GLI3: variants seen among roughly 807,000 people sequenced by gnomAD.
The protein encoded by GLI3 is GLI family zinc finger 3, also known as transcription activator GLI3.
GLI3 carries 20 observed loss-of-function variants against 100.8 expected under a neutral mutation model. That is an observed-to-expected ratio of 0.20 (90% CI 0.14 to 0.29). The LOEUF (loss-of-function observed/expected upper bound fraction) is 0.29. GLI3 is among the 10% of genes least tolerant of loss of function. The pLI is 1.00. For missense variants in GLI3, 2,040 were observed against 2,128.5 expected, an observed-to-expected ratio of 0.96 and a Z score of 0.82; for synonymous variants, 938 against 860.5, an observed-to-expected ratio of 1.09 and a Z score of -1.58.
At chr7:42,199,407 A>G (rs1414032988) in intron 2 of GLI3, among the ~76,000 whole-genome samples, 1 of 152,192 alleles carries the variant, frequency 6.6e-6, no homozygotes, top group Non-Finnish European at 1.5e-5. Context: ...TTACCTCAAT[A>G]CACACAGGCA....
chr7:42,216,002 T>C (rs1788368796), intron 2 of GLI3, among the ~76,000 whole-genome samples: 1 of 152,224 alleles, frequency 6.6e-6, no homozygotes, highest in Admixed American at 6.5e-5. Context: ...TGGCAAATTA[T>C]ACCCATAAGA....
intron 2 of GLI3, among the ~76,000 whole-genome samples, chr7:42,214,849 A>G (rs1488716169): frequency 4.2e-5 from 6 of 144,542 alleles, no homozygotes; most frequent in African/African-American, 1.5e-4. Flanking sequence ...TAAAATGTAC[A>G]TTCACTGGAT....
chr7:42,088,839 G>A (rs1005884095), intron 3 of GLI3, among the ~76,000 whole-genome samples: 12 of 152,170 alleles, frequency 7.9e-5, no homozygotes, highest in Non-Finnish European at 1.6e-4. Context: ...CTAGGCCACT[G>A]GCTGTCTGCT....
At chr7:42,172,640 T>A (rs1199975181) in intron 2 of GLI3, 1 of 702,970 alleles carries the variant, frequency 1.4e-6, no homozygotes, top group Admixed American at 2.0e-5. Flanking sequence ...CGCGGATGCA[T>A]CCAATCCTCC....
At position 41,964,717 on chromosome 7, in the gene GLI3, C is replaced by A; in HGVS notation, c.4356G>T (p.Gln1452His). The change falls in exon 15 of 15, where the codon CAG (glutamine) becomes CAT (histidine). Residue 1452 changes from glutamine (Q) to histidine (H), a missense_variant. Coordinates refer to ENST00000395925, the MANE Select transcript of GLI3 (RefSeq NM_000168.6). The part of the protein sequence containing the change: ...QFYDQTVGFS[Q>H]QDTKAGSFSI... ...AGAATGAACCAGCTTTCGTGTCTTG[C>A]TGACTGAAGCCCACGGTTTGGTCAT... The A allele has an allele frequency of 6.2e-7, 1 of 1,614,204 alleles. No homozygotes were observed. Among genetic ancestry groups the A allele is most frequent in the Non-Finnish European group, 8.5e-7 (1 of 1,180,026 alleles).
chr7:42,118,156 T>A, intron 3 of GLI3: 2 of 392,156 alleles, frequency 5.1e-6, no homozygotes, highest in Non-Finnish European at 4.5e-6. Context: ...CCTTTAAAGC[T>A]TAATCATCTT....
chr7:42,097,488 TG>T lies in GLI3; in HGVS notation c.368-20632del, dbSNP rs566825889. ...GCTGGAGGGAGACGCAGGTGATGCC[TG>T]GGGCCTACCCCGGGAGCCCCCCTTC... On this transcript the variant is annotated intron_variant, in intron 3 of 14. Coordinates refer to ENST00000395925, the MANE Select transcript of GLI3 (RefSeq NM_000168.6). 1.1e-4 allele frequency among the ~76,000 whole-genome samples: 16 copies of T among 152,240 alleles called. No individual in the cohort carries two copies. The South Asian group carries it at 2.7e-3, about 26-fold the overall frequency.
At chr7:42,029,977 T>C (rs1789239037) in intron 7 of GLI3, among the ~76,000 whole-genome samples, 1 of 152,186 alleles carries the variant, frequency 6.6e-6, no homozygotes, top group African/African-American at 2.4e-5. Context: ...CATTCTTCAG[T>C]GTCTATTAGT....
At chr7:42,144,427 C>A (rs1400994691) in intron 3 of GLI3, among the ~76,000 whole-genome samples, 3 of 152,160 alleles carry the variant, frequency 2.0e-5, no homozygotes, top group Non-Finnish European at 4.4e-5. Context: ...TGATATACAG[C>A]CCGTCCACTG....
At chr7:42,137,693 G>A (rs955626482) in intron 3 of GLI3, among the ~76,000 whole-genome samples, 1 of 152,102 alleles carries the variant, frequency 6.6e-6, no homozygotes, top group African/African-American at 2.4e-5. Flanking sequence ...CTGAAAATCT[G>A]AAATGCTCCA....
chr7:42,008,911 T>G (rs545968174), intron 10 of GLI3, among the ~76,000 whole-genome samples: 1 of 152,364 alleles, frequency 6.6e-6, no homozygotes, highest in East Asian at 1.9e-4. Context: ...TTTCAAGATC[T>G]CTGAGGATCC....
intron 10 of GLI3, among the ~76,000 whole-genome samples, chr7:42,007,952 A>G (rs896066426): frequency 2.6e-5 from 4 of 152,218 alleles, no homozygotes; most frequent in Non-Finnish European, 5.9e-5. Context: ...TGGAGAGGAA[A>G]AACTGCTGGA....
At chr7:42,025,489 C>T (rs1273731380) in intron 8 of GLI3, 112 bp from the exon 9 acceptor site, 4 of 764,152 alleles carry the variant, frequency 5.2e-6, no homozygotes, top group Non-Finnish European at 9.3e-6. Context: ...GGCTATAAAG[C>T]AATGACTCTG....
intron 1 of GLI3, among the ~76,000 whole-genome samples, chr7:42,255,172 T>C (rs935460707): frequency 2.6e-4 from 40 of 152,158 alleles, no homozygotes; most frequent in Admixed American, 1.4e-3. Flanking sequence ...CTATTGTTAA[T>C]GCTACACTAC....
At chr7:42,044,176 G>C in intron 6 of GLI3, among the ~76,000 whole-genome samples, 1 of 152,104 alleles carries the variant, frequency 6.6e-6, no homozygotes, top group East Asian at 1.9e-4. Context: ...ACATATGCTC[G>C]CCCTCTGTCA....
chr7:42,198,409 C>T (rs1225720234), intron 2 of GLI3, among the ~76,000 whole-genome samples: 5 of 152,284 alleles, frequency 3.3e-5, no homozygotes, highest in Admixed American at 2.0e-4. Flanking sequence ...CGAGAAAACA[C>T]TCACCATGAG....
chr7:42,068,521 A>C (rs1161878124), intron 4 of GLI3, among the ~76,000 whole-genome samples: 1 of 152,168 alleles, frequency 6.6e-6, no homozygotes, highest in African/African-American at 2.4e-5. Flanking sequence ...GAAGATCCAA[A>C]ATCTGGCTAA....
In GLI3 at chr7:42,052,292, G is replaced by T. The variant is rs953077928; in HGVS notation, c.474-3596C>A. On this transcript the variant is annotated intron_variant, in intron 4 of 14. Coordinates refer to ENST00000395925, the MANE Select transcript of GLI3 (RefSeq NM_000168.6). ...AAACATCTGTGTCCAGGTTTTTTGTGTGGAAGAATCCCCTTTCCATAGCAA... is the reference window on the plus strand; with the variant it reads ...AAACATCTGTGTCCAGGTTTTTTGTTTGGAAGAATCCCCTTTCCATAGCAA... Among the ~76,000 whole-genome samples, 20 of 152,236 alleles carry T rather than the reference G, an allele frequency of 1.3e-4. 1 individual carries two copies. The Middle Eastern group carries it at 0.014, about 104-fold the overall frequency.
chr7:42,007,752 T>G (rs1562682219), intron 10 of GLI3, among the ~76,000 whole-genome samples: 1 of 152,158 alleles, frequency 6.6e-6, no homozygotes. Context: ...GTTTTTACAA[T>G]AGAGGTGGCT....
Sources: allele counts gnomAD v4.1 joint callset (sites outside exome capture counted in the v4.1 genomes callset), GRCh38; gene constraint gnomAD v4.1.1; transcripts MANE v1.5; gene names NCBI Gene and HGNC (gene_info 2026-07-23, HGNC 2026-07-21).